Variants in CNOT10 observed in about 807,000 individuals in gnomAD.
CNOT10 encodes the protein CCR4-NOT transcription complex subunit 10.
CNOT10 carries 30 observed loss-of-function variants against 94.6 expected under a neutral mutation model. The ratio of observed to expected loss-of-function variants is 0.32; its 90% CI spans 0.24 to 0.43. CNOT10 has a LOEUF of 0.43. Ranked by LOEUF, CNOT10 falls within the 20% of genes least tolerant of loss-of-function variation. The pLI is 1.00. For synonymous variants in CNOT10, 289 were observed against 301.6 expected (o/e 0.96, Z 0.43); for missense variants, 759 against 877.2 (o/e 0.87, Z 1.70).
chr3:32,762,167 A>T (rs999139858), intron 14 of CNOT10, among the ~76,000 whole-genome samples: 1 of 135,166 alleles, frequency 7.4e-6, no homozygotes, highest in Admixed American at 7.5e-5. Flanking sequence ...GTCCCCAGTT[A>T]AAAAAAAAAA....
intron 17 of CNOT10, among the ~76,000 whole-genome samples, chr3:32,768,178 T>C (rs776155063): frequency 3.3e-5 from 5 of 152,056 alleles, no homozygotes; most frequent in Non-Finnish European, 7.4e-5. Context: ...ATCATAAAGA[T>C]GTTGCCTTGA....
In CNOT10 at chr3:32,734,925, G is replaced by A; in HGVS notation, c.1463G>A (p.Ser488Asn). 2 of 1,614,100 alleles carry A rather than the reference G, an allele frequency of 1.2e-6. No individual in the cohort carries two copies. Among genetic ancestry groups the A allele is most frequent in the East Asian group, 2.2e-5 (1 of 44,870 alleles). Residue 488 changes from serine to asparagine, a missense_variant, in exon 12 of 19, where the codon AGT (serine) becomes AAT (asparagine). Transcript: ENST00000328834. ...DPKQENGAKN[S>N]NQLGGNTESS... ...AAGCAGGAAAATGGGGCTAAAAATA[G>A]TAATCAATTAGGTGGGAACACAGAG...
At position 32,685,235 on chromosome 3, in the gene CNOT10, C is replaced by T; in HGVS notation, c.-226C>T. On this transcript the variant is annotated 5_prime_UTR_variant, in exon 1 of 19. Coordinates refer to ENST00000328834, the MANE Select transcript of CNOT10 (RefSeq NM_015442.3). The stretch of plus-strand genomic sequence containing the variant: ...GGCGGAAGCTGTGTATGGCGGGAGG[C>T]TGTGGCGGTCCCTTGGTGGGGAAGC... The T allele has an allele frequency of 5.8e-6, 3 of 518,422 alleles. No individual in the cohort carries two copies. Among genetic ancestry groups the T allele is most frequent in the Admixed American group, 3.5e-5 (1 of 28,948 alleles). The allele number at this position is 518,422 out of a possible 1,614,324, so 32.1% of individuals were successfully genotyped here.
At chr3:32,722,527 G>A (rs1261212842) in intron 8 of CNOT10, among the ~76,000 whole-genome samples, 1 of 152,184 alleles carries the variant, frequency 6.6e-6, no homozygotes, top group East Asian at 1.9e-4. Context: ...TCTTTAAAAT[G>A]AAGGCAGGAG....
At chr3:32,753,454 G>T in intron 13 of CNOT10, 1 of 1,544,580 alleles carries the variant, frequency 6.5e-7, no homozygotes, top group Non-Finnish European at 8.9e-7. Flanking sequence ...TCCTTCTGGA[G>T]AGGATTACAA....
intron 12 of CNOT10, among the ~76,000 whole-genome samples, chr3:32,735,443 C>T (rs1699146526): frequency 6.6e-6 from 1 of 152,162 alleles, no homozygotes; most frequent in Non-Finnish European, 1.5e-5. Flanking sequence ...TGTGGGGGCT[C>T]ACGCCTGTAA....
At chr3:32,743,474 A>G (rs1332477866) in intron 13 of CNOT10, among the ~76,000 whole-genome samples, 4 of 152,038 alleles carry the variant, frequency 2.6e-5, no homozygotes, top group African/African-American at 4.8e-5. Flanking sequence ...TACTAAAAAT[A>G]CAAAAAAAAA....
chr3:32,688,938 G>A (rs1403499131), intron 1 of CNOT10, among the ~76,000 whole-genome samples: 2 of 152,160 alleles, frequency 1.3e-5, no homozygotes, highest in East Asian at 3.9e-4. Flanking sequence ...GGACGTGGTG[G>A]CTCACGCCTG....
intron 1 of CNOT10, among the ~76,000 whole-genome samples, chr3:32,685,819 C>G (rs189142525): frequency 9.7e-4 from 148 of 152,282 alleles, no homozygotes; most frequent in African/African-American, 3.2e-3. Context: ...GAAAGTCACC[C>G]TGGAGCACAC....
intron 13 of CNOT10, chr3:32,753,851 A>G: frequency 1.3e-6 from 2 of 1,505,810 alleles, no homozygotes; most frequent in Non-Finnish European, 1.8e-6. Context: ...TGATGTAGGT[A>G]AAAGGAAAGT....
chr3:32,739,946 A>G (rs1194237799), intron 13 of CNOT10, among the ~76,000 whole-genome samples: 4 of 152,108 alleles, frequency 2.6e-5, no homozygotes, highest in Admixed American at 2.0e-4. Context: ...AAGAAAAAAA[A>G]TTATCTGGGC....
chr3:32,757,813 A>G (rs1700284520), intron 13 of CNOT10, among the ~76,000 whole-genome samples: 1 of 152,218 alleles, frequency 6.6e-6, no homozygotes, highest in African/African-American at 2.4e-5. Context: ...AAGAGCCAGA[A>G]ATATTGATAG....
intron 3 of CNOT10, 73 bp from the exon 4 acceptor site, chr3:32,708,597 T>G: frequency 7.8e-7 from 1 of 1,290,214 alleles, no homozygotes; most frequent in Non-Finnish European, 1.1e-6. Context: ...TCCTTTTTAT[T>G]CATATGAATT....
At chr3:32,707,856 A>C (rs1001974772) in intron 3 of CNOT10, among the ~76,000 whole-genome samples, 26 of 152,118 alleles carry the variant, frequency 1.7e-4, no homozygotes, top group African/African-American at 6.3e-4. Flanking sequence ...AAGTTTTAAC[A>C]TAGCAAGTCT....
chr3:32,698,554 A>G (rs1697185018), intron 1 of CNOT10, among the ~76,000 whole-genome samples: 1 of 152,158 alleles, frequency 6.6e-6, no homozygotes, highest in African/African-American at 2.4e-5. Flanking sequence ...AAGTACAAGA[A>G]TTTTTAGTTC....
intron 13 of CNOT10, among the ~76,000 whole-genome samples, chr3:32,737,994 G>T (rs543261604): frequency 3.3e-5 from 5 of 152,184 alleles, no homozygotes; most frequent in African/African-American, 9.6e-5. Context: ...TTCTATATCC[G>T]TGAGGAAGAT....
chr3:32,719,417 CTCAA>C (rs761196155), intron 7 of CNOT10, among the ~76,000 whole-genome samples: 3 of 152,196 alleles, frequency 2.0e-5, no homozygotes, highest in African/African-American at 4.8e-5. Context: ...AAGACTCCGT[CTCAA>C]TCAATCAATC....
At position 32,733,424 on chromosome 3, in the gene CNOT10, C is replaced by T. The variant is rs1267178406; in HGVS notation, c.1217C>T (p.Thr406Ile). ...TTGGAAATTATTTGTATTTTGTAGACTTCTGAACAAGAAACTAAAGGCCTT... is the reference window on the plus strand; with the variant it reads ...TTGGAAATTATTTGTATTTTGTAGATTTCTGAACAAGAAACTAAAGGCCTT... Reference protein sequence around the residue: ...AECCIAANKGTSEQETKGLPS... With the variant: ...AECCIAANKGISEQETKGLPS... The change falls in exon 11 of 19, where the codon ACT (threonine) becomes ATT (isoleucine). Residue 406 changes from threonine to isoleucine, a missense_variant and splice_region_variant. Thr to Ile is a moderately conservative substitution (Grantham distance 89, BLOSUM62 -1). This residue lies in a region of CNOT10 where 682 missense variants were observed against 799.4 expected (regional missense o/e 0.85). Coordinates refer to ENST00000328834, the MANE Select transcript of CNOT10 (RefSeq NM_015442.3). The T allele has an allele frequency of 6.3e-7, 1 of 1,579,108 alleles. No individual in the cohort carries two copies.
intron 10 of CNOT10, 76 bp downstream of exon 10, chr3:32,727,946 A>C (rs985116105): frequency 1.3e-5 from 13 of 1,019,500 alleles, no homozygotes; most frequent in Middle Eastern, 6.4e-4. Flanking sequence ...AAAAAAAAAA[A>C]AAACCTTGGA....
Sources: gnomAD v4.1 joint callset for allele counts (sites outside exome capture counted in the v4.1 genomes callset) on GRCh38, gnomAD v4.1.1 for gene constraint, gnomAD v4.1.1 regional missense constraint, MANE v1.5 for transcripts, NCBI Gene and HGNC (gene_info 2026-07-23, HGNC 2026-07-21) for gene names.